Variants in NBEA observed in about 807,000 individuals in gnomAD.
NBEA encodes neurobeachin.
In NBEA, 44 loss-of-function variants were observed where a neutral mutation model predicts 343.4. The observed-to-expected ratio is 0.13, with a 90% CI of 0.10 to 0.16. The LOEUF is 0.16. NBEA is among the 10% of genes least tolerant of loss of function. NBEA has a pLI of 1.00. For missense variants in NBEA, 2,555 were observed against 3,631.3 expected, an observed-to-expected ratio of 0.70 and a Z score of 7.62; for synonymous variants, 1,175 against 1,238.7, an observed-to-expected ratio of 0.95 and a Z score of 1.08.
intron 43 of NBEA, among the ~76,000 whole-genome samples, chr13:35,551,779 T>A (rs192285199): frequency 8.5e-5 from 13 of 152,316 alleles, no homozygotes; most frequent in Admixed American, 8.5e-4. Flanking sequence ...CCGCTACTTC[T>A]TCAGCTACTA....
At position 35,181,036 on chromosome 13, in the gene NBEA, G is replaced by GTA. The variant is rs945114346; in HGVS notation, c.4663-1315_4663-1314dup. Among the ~76,000 whole-genome samples, 10 of 151,800 alleles carry GTA rather than the reference G, an allele frequency of 6.6e-5. 1 individual carries two copies. The highest frequency in any genetic ancestry group is 4.2e-4 in the South Asian group (2 of 4,818). ...TTGTGGCTGAGTAGCATGACATAGT[G>GTA]TATATATATACCACAGTTTCTTTAT... is the stretch of plus-strand genomic sequence containing the variant. On this transcript the variant is annotated intron_variant, in intron 28 of 58. Transcript: ENST00000379939.
intron 26 of NBEA, among the ~76,000 whole-genome samples, chr13:35,171,866 A>C (rs188222566): frequency 6.6e-6 from 1 of 152,088 alleles, no homozygotes; most frequent in African/African-American, 2.4e-5. Context: ...AAAATAAACT[A>C]TCCCAATCTT....
chr13:35,536,075 C>T (rs2078526140), intron 41 of NBEA, among the ~76,000 whole-genome samples: 1 of 152,056 alleles, frequency 6.6e-6, no homozygotes, highest in African/African-American at 2.4e-5. Context: ...TCTCATGAAC[C>T]CCAAGCATGC....
rs117689493 is a variant in NBEA, at chr13:34,956,083, A to G, written c.294+12969A>G. ...GCAGAAAAATTATAAACCTGTGCACATGGTAGGCATTTAATAAATATCAAA... is the reference window on the plus strand; with the variant it reads ...GCAGAAAAATTATAAACCTGTGCACGTGGTAGGCATTTAATAAATATCAAA... On this transcript the variant is annotated intron_variant, in intron 1 of 58. Transcript: ENST00000379939. 1.4e-4 allele frequency among the ~76,000 whole-genome samples: 22 copies of G among 152,286 alleles called. No homozygotes were observed. In the East Asian group the frequency reaches 4.1e-3, roughly 28 times the overall value.
At chr13:35,465,016 A>T (rs2047094677) in intron 40 of NBEA, among the ~76,000 whole-genome samples, 1 of 152,200 alleles carries the variant, frequency 6.6e-6, no homozygotes, top group African/African-American at 2.4e-5. Flanking sequence ...TCATAAAATT[A>T]TGCCATTTAA....
intron 40 of NBEA, among the ~76,000 whole-genome samples, chr13:35,464,070 C>A (rs1370562662): frequency 6.6e-6 from 1 of 151,644 alleles, no homozygotes; most frequent in African/African-American, 2.4e-5. Context: ...AATATGAATT[C>A]TTCATTTATT....
chr13:35,306,670 G>A (rs533792578), intron 35 of NBEA, among the ~76,000 whole-genome samples: 1 of 152,052 alleles, frequency 6.6e-6, no homozygotes, highest in Admixed American at 6.6e-5. Flanking sequence ...TAGTGACTTT[G>A]AAAGTAATAT....
intron 1 of NBEA, among the ~76,000 whole-genome samples, chr13:35,021,121 GT>G (rs564931019): frequency 4.0e-5 from 6 of 150,800 alleles, no homozygotes; most frequent in Non-Finnish European, 8.9e-5. Flanking sequence ...TTTTTTTGGA[GT>G]TTTTTTTTCT....
At chr13:35,344,251 T>G (rs187785662) in intron 36 of NBEA, among the ~76,000 whole-genome samples, 17 of 152,056 alleles carry the variant, frequency 1.1e-4, no homozygotes, top group Admixed American at 1.1e-3. Context: ...TTGTAGAATG[T>G]AAGGAAAATG....
chr13:35,402,555 A>C (rs1488096437), intron 38 of NBEA, among the ~76,000 whole-genome samples: 2 of 152,122 alleles, frequency 1.3e-5, no homozygotes, highest in Non-Finnish European at 2.9e-5. Context: ...AAAGAACCGA[A>C]CCACACAGTG....
In NBEA at chr13:35,645,858, T is replaced by G. The variant is rs530435890; in HGVS notation, c.7618-11T>G. On this transcript the variant is annotated splice_polypyrimidine_tract_variant and intron_variant, in intron 49 of 58. Coordinates refer to ENST00000379939, the MANE Select transcript of NBEA (RefSeq NM_001385012.1). ...AGACTTCATGTCTCATTCTTTTTTT[T>G]CCCCATTAAGATTCCAGAAGCTTAT... 6.5e-7 allele frequency: 1 copy of G among 1,536,080 alleles called. No individual in the cohort carries two copies. Among genetic ancestry groups the G allele is most frequent in the South Asian group, 1.2e-5 (1 of 83,928 alleles).
intron 1 of NBEA, among the ~76,000 whole-genome samples, chr13:34,982,918 ATTAC>A (rs2060408515): frequency 6.6e-6 from 1 of 151,976 alleles, no homozygotes; most frequent in Non-Finnish European, 1.5e-5. Context: ...TCTCCTTTTA[ATTAC>A]TTAATATTTC....
In NBEA at chr13:35,051,830, A is replaced by G. The variant is rs112158549; in HGVS notation, c.972+1435A>G. Among the ~76,000 whole-genome samples the G allele has an allele frequency of 6.4e-3, 972 of 152,168 alleles. 11 individuals are homozygous for G. The highest frequency in any genetic ancestry group is 0.022 in the African/African-American group (931 of 41,576). ...TTCATGTTAGGATTGTGTGTTTTTA[A>G]CAAATATTCTAGGTAACTTTTCTCT... On this transcript the variant is annotated intron_variant, in intron 6 of 58. Coordinates refer to ENST00000379939, the MANE Select transcript of NBEA (RefSeq NM_001385012.1).
At chr13:35,373,174 C>A (rs2041543438) in intron 38 of NBEA, among the ~76,000 whole-genome samples, 1 of 152,050 alleles carries the variant, frequency 6.6e-6, no homozygotes, top group African/African-American at 2.4e-5. Context: ...ACATCCCTCT[C>A]CTTCCTTGCC....
chr13:35,276,683 AAGG>A (rs1286807165), intron 34 of NBEA, among the ~76,000 whole-genome samples: 3 of 152,318 alleles, frequency 2.0e-5, no homozygotes, highest in African/African-American at 7.2e-5. Context: ...AATTTTTAAA[AAGG>A]AAATACATTG....
At chr13:35,618,598 C>T (rs1170863435) in intron 48 of NBEA, among the ~76,000 whole-genome samples, 1 of 152,170 alleles carries the variant, frequency 6.6e-6, no homozygotes, top group African/African-American at 2.4e-5. Flanking sequence ...ATTTAGTAGA[C>T]ATTTCAATGC....
Position 35,053,124 on chromosome 13 carries a change from C to A in NBEA, c.972+2729C>A, listed in dbSNP as rs563235214. On this transcript the variant is annotated intron_variant, in intron 6 of 58. Coordinates refer to ENST00000379939, the MANE Select transcript of NBEA (RefSeq NM_001385012.1). The stretch of plus-strand genomic sequence containing the variant: ...TCAATTTTATCTTTATCCACACTTG[C>A]CTGCCTATCTCACCTCCACATTGCT... 3.2e-4 allele frequency among the ~76,000 whole-genome samples: 48 copies of A among 152,208 alleles called. 1 individual carries two copies. In the South Asian group the frequency reaches 9.3e-3, roughly 30 times the overall value.
intron 38 of NBEA, among the ~76,000 whole-genome samples, chr13:35,411,007 T>C (rs1444890130): frequency 6.6e-6 from 1 of 152,200 alleles, no homozygotes; most frequent in Non-Finnish European, 1.5e-5. Flanking sequence ...GCAAGCATAA[T>C]GCCTTGAGCA....
At chr13:35,166,662 T>A (rs916263224) in intron 24 of NBEA, among the ~76,000 whole-genome samples, 6 of 152,150 alleles carry the variant, frequency 3.9e-5, no homozygotes, top group Non-Finnish European at 4.4e-5. Flanking sequence ...CTTTCTCCCA[T>A]TTTGTATCTG....
Sources: gnomAD v4.1 joint callset for allele counts (sites outside exome capture counted in the v4.1 genomes callset) on GRCh38, gnomAD v4.1.1 for gene constraint, MANE v1.5 for transcripts, NCBI Gene and HGNC (gene_info 2026-07-23, HGNC 2026-07-21) for gene names.